Variants in HS6ST2 observed in about 807,000 individuals in gnomAD.
HS6ST2 encodes heparan sulfate 6-O-sulfotransferase 2.
A neutral mutation model predicts 33.0 loss-of-function variants in HS6ST2; 17 were observed. The observed-to-expected ratio is 0.52, with a 90% CI of 0.35 to 0.77. The LOEUF (loss-of-function observed/expected upper bound fraction) is 0.77. Ranked by LOEUF, HS6ST2 falls within the 30% of genes least tolerant of loss-of-function variation. The probability of loss-of-function intolerance (pLI) is 0.01; values close to 1 mark genes in which losing one functional copy is unlikely to be tolerated. For missense variants in HS6ST2, 519 were observed against 551.7 expected (o/e 0.94, Z 0.59); for synonymous variants, 248 against 237.1 (o/e 1.05, Z -0.42).
At chrX:132,762,755 C>T (rs1190523442) in intron 2 of HS6ST2, among the ~76,000 whole-genome samples, 7 of 111,984 alleles carry the variant, frequency 6.3e-5, no homozygotes, top group Non-Finnish European at 1.1e-4. Flanking sequence ...CCCCTTGGGC[C>T]TCTGTTGCTA....
intron 2 of HS6ST2, among the ~76,000 whole-genome samples, chrX:132,943,079 G>A (rs2066904693): frequency 9.0e-6 from 1 of 111,481 alleles, no homozygotes; most frequent in Admixed American, 9.6e-5. Flanking sequence ...CTTTAAGACG[G>A]GAAAAAAGAG....
rs2067088312 is a variant in HS6ST2, at chrX:132,957,194, G to C, written c.561C>G (p.Ser187Arg). 8.3e-7 allele frequency: 1 copy of C among 1,211,529 alleles called. No homozygotes were observed. The highest frequency in any genetic ancestry group is 1.7e-5 in the African/African-American group (1 of 57,967). Reference protein sequence around the residue: ...ECQLLRLQAFSSPVPDPYRSE... With the variant: ...ECQLLRLQAFRSPVPDPYRSE... ...AGCGGTACGGGTCCGGCACCGGGGA[G>C]CTGAACGCCTGCAGGCGGAGGAGCT... is the stretch of plus-strand genomic sequence containing the variant. The change falls in exon 2 of 5, where the codon AGC (serine) becomes AGG (arginine). Residue 187 changes from serine (S) to arginine (R), a missense_variant. Ser to Arg is a moderately radical substitution (Grantham distance 110). Coordinates refer to ENST00000370833, the MANE Select transcript of HS6ST2 (RefSeq NM_001394073.1).
At chrX:132,729,056 C>T (rs1416421490) in intron 2 of HS6ST2, among the ~76,000 whole-genome samples, 1 of 112,122 alleles carries the variant, frequency 8.9e-6, no homozygotes, top group South Asian at 3.7e-4. Context: ...AAGACTGTCA[C>T]TGTCAAGATG....
intron 2 of HS6ST2, among the ~76,000 whole-genome samples, chrX:132,740,525 C>A (rs934778234): frequency 8.9e-6 from 1 of 111,911 alleles, no homozygotes; most frequent in Non-Finnish European, 1.9e-5. Flanking sequence ...ATTTACTTCT[C>A]CTGCTCTGCT....
At chrX:132,798,486 G>C (rs1220498140) in intron 2 of HS6ST2, among the ~76,000 whole-genome samples, 1 of 111,314 alleles carries the variant, frequency 9.0e-6, no homozygotes, top group African/African-American at 3.3e-5. Flanking sequence ...ATTTTTGAAA[G>C]TGCAGTCACT....
chrX:132,947,320 T>C (rs1354047470), intron 2 of HS6ST2, among the ~76,000 whole-genome samples: 1 of 110,283 alleles, frequency 9.1e-6, no homozygotes, highest in African/African-American at 3.3e-5. Context: ...TTGTTAATCA[T>C]GTTGTTCAAA....
At chrX:132,735,513 A>C (rs1310781828) in intron 2 of HS6ST2, 1 of 112,319 alleles carries the variant, frequency 8.9e-6, no homozygotes, top group East Asian at 2.8e-4. Flanking sequence ...GCAGTTAATC[A>C]TGCCTGTGGG....
At chrX:132,865,694 A>T (rs1228475386) in intron 2 of HS6ST2, among the ~76,000 whole-genome samples, 1 of 111,934 alleles carries the variant, frequency 8.9e-6, no homozygotes, top group East Asian at 2.8e-4. Flanking sequence ...ATGATATCTC[A>T]TTGTGGTTTT....
chrX:132,733,477 C>T (rs1358006787), intron 2 of HS6ST2, among the ~76,000 whole-genome samples: 1 of 110,235 alleles, frequency 9.1e-6, no homozygotes, highest in Admixed American at 9.9e-5. Context: ...TCAAAGTTAA[C>T]AAAGCAGAAT....
At chrX:132,882,987 T>C (rs182676974) in intron 2 of HS6ST2, among the ~76,000 whole-genome samples, 186 of 111,579 alleles carry the variant, frequency 1.7e-3, no homozygotes, top group Middle Eastern at 4.6e-3. Context: ...CAGTTGATCA[T>C]GGTGGATAAG....
At chrX:132,803,406 CTTTAT>C (rs940967096) in intron 2 of HS6ST2, among the ~76,000 whole-genome samples, 18 of 111,033 alleles carry the variant, frequency 1.6e-4, no homozygotes, top group African/African-American at 5.2e-4. Flanking sequence ...AGCAGACGTG[CTTTAT>C]TTTATTTTAT....
rs780797123 is a variant in HS6ST2, at chrX:132,834,030, T to C, written c.947+122778A>G. On this transcript the variant is annotated intron_variant, in intron 2 of 4. Coordinates refer to ENST00000370833, the MANE Select transcript of HS6ST2 (RefSeq NM_001394073.1). Reference sequence around the variant, plus strand: ...GCAGATACAGAAACTGAGGCTCTCCTGCTATGTAACCTGCCCAAGGTCACA... The same window carrying C: ...GCAGATACAGAAACTGAGGCTCTCCCGCTATGTAACCTGCCCAAGGTCACA... 7.2e-5 allele frequency among the ~76,000 whole-genome samples: 8 copies of C among 111,035 alleles called. No homozygotes were observed. The South Asian group carries it at 3.1e-3, about 43-fold the overall frequency.
intron 2 of HS6ST2, among the ~76,000 whole-genome samples, chrX:132,935,995 T>C (rs2066818806): frequency 2.2e-5 from 2 of 91,275 alleles, no homozygotes; most frequent in African/African-American, 8.1e-5. Context: ...AGAAATATTA[T>C]AGATTCTAGG....
At chrX:132,859,776 G>A (rs1348879883) in intron 2 of HS6ST2, among the ~76,000 whole-genome samples, 2 of 94,774 alleles carry the variant, frequency 2.1e-5, no homozygotes, top group Non-Finnish European at 4.2e-5. Flanking sequence ...GAGGAAGGGA[G>A]GGAGAGAGAA....
chrX:132,945,530 A>T (rs977147206), intron 2 of HS6ST2, among the ~76,000 whole-genome samples: 1 of 111,248 alleles, frequency 9.0e-6, no homozygotes, highest in African/African-American at 3.3e-5. Flanking sequence ...ATTATAAATC[A>T]TGCTGCCATA....
rs144793596 is a variant in HS6ST2, at chrX:132,877,492, C to T, written c.947+79316G>A. ...TCAGAAAACTGAAGTAACTGGAAGT[C>T]ACCCTACTAATCTGTAGCAAGTCTG... is the stretch of plus-strand genomic sequence containing the variant. On this transcript the variant is annotated intron_variant, in intron 2 of 4. Coordinates refer to ENST00000370833, the MANE Select transcript of HS6ST2 (RefSeq NM_001394073.1). Among the ~76,000 whole-genome samples the T allele has an allele frequency of 5.5e-3, 613 of 111,446 alleles. 16 individuals are homozygous for T. The East Asian group carries it at 0.089, about 16-fold the overall frequency.
chrX:132,925,757 T>G (rs762305071), intron 2 of HS6ST2, among the ~76,000 whole-genome samples: 1 of 112,237 alleles, frequency 8.9e-6, no homozygotes, highest in Non-Finnish European at 1.9e-5. Flanking sequence ...TCTTACAATT[T>G]TTCTAATAAC....
chrX:132,866,983 C>A (rs1288349468), intron 2 of HS6ST2, among the ~76,000 whole-genome samples: 1 of 92,400 alleles, frequency 1.1e-5, no homozygotes, highest in South Asian at 5.4e-4. Context: ...CCTTCTCCTG[C>A]CTGATTGCCC....
chrX:132,771,748 A>G (rs2064902641), intron 2 of HS6ST2, among the ~76,000 whole-genome samples: 1 of 111,812 alleles, frequency 8.9e-6, no homozygotes. Context: ...CCTTGGGAAA[A>G]ATACTGTCAC....
Sources: allele counts gnomAD v4.1 joint callset (sites outside exome capture counted in the v4.1 genomes callset), GRCh38; gene constraint gnomAD v4.1.1; transcripts MANE v1.5; gene names NCBI Gene and HGNC (gene_info 2026-07-23, HGNC 2026-07-21).